ERMN: variants seen among roughly 807,000 people sequenced by gnomAD.
ERMN encodes ermin.
ERMN carries 17 observed loss-of-function variants against 21.4 expected under a neutral mutation model. The observed-to-expected ratio is 0.80, with a 90% confidence interval of 0.54 to 1.19. The LOEUF (loss-of-function observed/expected upper bound fraction) is 1.19, where lower values mean the gene tolerates loss of function less well. ERMN is among the 50% of genes most tolerant of loss of function. The pLI is 0.00. For missense variants in ERMN, 348 were observed against 331.6 expected (o/e 1.05, Z -0.38); for synonymous variants, 115 against 111.9 (o/e 1.03, Z -0.17).
At chr2:157,325,874 A>C, upstream of ERMN, 1 of 1,398,498 alleles carries the variant, frequency 7.2e-7, no homozygotes, top group Non-Finnish European at 9.3e-7. Flanking sequence ...CATGAGCAAG[A>C]ATCCAGCCAA....
At chr2:157,322,961 G>C (rs1238410789) in intron 2 of ERMN, among the ~76,000 whole-genome samples, 1 of 152,112 alleles carries the variant, frequency 6.6e-6, no homozygotes, top group Non-Finnish European at 1.5e-5. Context: ...ATTACTCCTT[G>C]AATTTAAATT....
At position 157,321,340 on chromosome 2, in the gene ERMN, G is replaced by A. The variant is rs1423343962; in HGVS notation, c.786C>T (p.Ser262=). Residue 262 remains serine (S), a synonymous_variant, in exon 3 of 3, where the codon TCC becomes TCT. Coordinates refer to ENST00000410096, the MANE Select transcript of ERMN (RefSeq NM_020711.3). ...TATTTCCCTTTCTGATTTTCCGATA[G>A]GATATTGTATTGTATCTGGAATAAG... is the stretch of plus-strand genomic sequence containing the variant. ...RNAYSRYNTI[S]YRKIRKGNTK... is the part of the protein sequence containing the mutation. 7.4e-6 allele frequency: 12 copies of A among 1,613,888 alleles called. No homozygotes were observed. The highest frequency in any genetic ancestry group is 1.0e-5 in the Non-Finnish European group (12 of 1,179,954).
Position 157,321,118 on chromosome 2 carries a change from G to A in ERMN, c.*153C>T. The A allele has an allele frequency of 1.7e-6, 2 of 1,157,254 alleles. No individual in the cohort carries two copies. The highest frequency in any genetic ancestry group is 2.4e-6 in the Non-Finnish European group (2 of 843,860). The allele number at this position is 1,157,254 out of a possible 1,614,324, so 71.7% of individuals were successfully genotyped here. ...GGTTATCAGACTGAATTTTTATCTA[G>A]GGTTATTTCCACATTATTCTACAGT... is the stretch of plus-strand genomic sequence containing the variant. On this transcript the variant is annotated 3_prime_UTR_variant, in exon 3 of 3. Coordinates refer to ENST00000410096, the MANE Select transcript of ERMN (RefSeq NM_020711.3).
intron 2 of ERMN, chr2:157,324,398 C>T: frequency 2.6e-6 from 1 of 381,912 alleles, no homozygotes; most frequent in Non-Finnish European, 4.8e-6. Flanking sequence ...AGGGTTGACT[C>T]AGTGGACTAA....
rs781256699 is a variant in ERMN at position 157,321,807 on chromosome 2, T to C, written c.335-16A>G. ...CACTGATGCCCTGTAGCAAAATCAA[T>C]TGGTAGATGAGATGTGTAGAGATTC... On this transcript the variant is annotated splice_polypyrimidine_tract_variant and intron_variant, in intron 2 of 2. Transcript: ENST00000410096. 10 of 1,587,794 alleles carry C rather than the reference T, an allele frequency of 6.3e-6. No homozygotes were observed. Among genetic ancestry groups the C allele is most frequent in the Middle Eastern group, 1.7e-4 (1 of 5,956 alleles).
chr2:157,324,264 C>A, intron 2 of ERMN: 1 of 184,530 alleles, frequency 5.4e-6, no homozygotes, highest in Non-Finnish European at 1.1e-5. Context: ...AAGAGTGACA[C>A]TCCGTCTCAA....
chr2:157,327,274 A>AT (rs1684090412), upstream of ERMN: 1 of 556,324 alleles, frequency 1.8e-6, no homozygotes, highest in Admixed American at 3.1e-5. Context: ...TCACTCTTGT[A>AT]TAATCCCCTC....
Position 157,321,142 on chromosome 2 carries a change from G to T in ERMN, c.*129C>A. On this transcript the variant is annotated 3_prime_UTR_variant, in exon 3 of 3. Transcript: ENST00000410096. Reference sequence around the variant, plus strand: ...AGGGTTATTTCCACATTATTCTACAGTGAAAAAGAGAGTCAACTTCCACCT... The same window carrying T: ...AGGGTTATTTCCACATTATTCTACATTGAAAAAGAGAGTCAACTTCCACCT... 1.5e-6 allele frequency: 2 copies of T among 1,346,738 alleles called. No homozygotes were observed. Among genetic ancestry groups the T allele is most frequent in the Non-Finnish European group, 2.0e-6 (2 of 999,818 alleles). 83.4% of individuals were successfully genotyped at this position (1,346,738 alleles called of 1,614,324 possible). A position where few individuals can be genotyped will look rare whatever the true frequency, so the allele number is the denominator to read the frequency against.
rs993187419 is a variant in ERMN at position 157,318,737 on chromosome 2, T to C, written c.*2534A>G. 2.6e-5 allele frequency: 4 copies of C among 152,138 alleles called. No homozygotes were observed. Among genetic ancestry groups the C allele is most frequent in the African/African-American group, 7.2e-5 (3 of 41,438 alleles). 9.4% of individuals were successfully genotyped at this position (152,138 alleles called of 1,614,324 possible). ...ATTCTGTGCCTTCAATGTAGCATTATATGAAAGGTAGATTTTATATTGGCA... is the reference window on the plus strand; with the variant it reads ...ATTCTGTGCCTTCAATGTAGCATTACATGAAAGGTAGATTTTATATTGGCA... On this transcript the variant is annotated 3_prime_UTR_variant, in exon 3 of 3. Transcript: ENST00000410096.
Position 157,321,454 on chromosome 2 carries a change from C to T in ERMN, c.672G>A (p.Glu224=). 4 of 1,614,100 alleles carry T rather than the reference C, an allele frequency of 2.5e-6. No homozygotes were observed. Among genetic ancestry groups the T allele is most frequent in the Non-Finnish European group, 8.5e-7 (1 of 1,179,994 alleles). The stretch of plus-strand genomic sequence containing the variant: ...AACTGGCACTGCTCAGTGGGGAGTC[C>T]TCACTTGCATCACCTTCCTCTTTAA... The part of the protein sequence containing the change: ...SQFKEEGDAS[E]DSPLSSASSQ... Residue 224 remains glutamate, a synonymous_variant, in exon 3 of 3, where the codon GAG becomes GAA. Transcript: ENST00000410096.
chr2:157,324,559 T>G, intron 2 of ERMN, 111 bp downstream of exon 2: 2 of 800,172 alleles, frequency 2.5e-6, no homozygotes, highest in Non-Finnish European at 4.2e-6. Context: ...AAATTTGAAG[T>G]CATTGCCTGG....
chr2:157,325,722 G>T lies in ERMN; in HGVS notation c.-80C>A. On this transcript the variant is annotated 5_prime_UTR_variant, in exon 1 of 3. Transcript: ENST00000410096. ...GATCCTTGATAAGATACCTGCTCTTGCCTTCAAGTCCTATAGTTCCAACTC... is the reference window on the plus strand; with the variant it reads ...GATCCTTGATAAGATACCTGCTCTTTCCTTCAAGTCCTATAGTTCCAACTC... The T allele has an allele frequency of 6.2e-7, 1 of 1,600,886 alleles. No homozygotes were observed.
chr2:157,325,850 G>T, upstream of ERMN: 1 of 1,416,988 alleles, frequency 7.1e-7, no homozygotes, highest in Non-Finnish European at 9.2e-7. Flanking sequence ...GGATTTGTCA[G>T]ATCTGCCAGG....
chr2:157,324,530 C>T (rs1684008597), intron 2 of ERMN, 140 bp downstream of exon 2: 6 of 667,324 alleles, frequency 9.0e-6, no homozygotes, highest in Non-Finnish European at 1.6e-5. Flanking sequence ...ACTCTCTTAT[C>T]TGCCTACAGC....
rs912744355 is a variant in ERMN, at chr2:157,319,960, T to C, written c.*1311A>G. ...AATGAAAAAGAAAGAAACAAAGGGT[T>C]GAATAGTACAATGAAGACTGTATTA... is the stretch of plus-strand genomic sequence containing the variant. On this transcript the variant is annotated 3_prime_UTR_variant, in exon 3 of 3. Transcript: ENST00000410096. The C allele has an allele frequency of 6.6e-6, 1 of 152,160 alleles. No homozygotes were observed. Among genetic ancestry groups the C allele is most frequent in the African/African-American group, 2.4e-5 (1 of 41,436 alleles). The allele number at this position is 152,160 out of a possible 1,614,324, so 9.4% of individuals were successfully genotyped here.
chr2:157,324,578 G>T, intron 2 of ERMN, 92 bp downstream of exon 2: 2 of 1,005,978 alleles, frequency 2.0e-6, no homozygotes, highest in Non-Finnish European at 3.1e-6. Flanking sequence ...GGATTGCTTT[G>T]TCAACCCCAC....
Position 157,325,770 on chromosome 2 carries a change from T to C in ERMN, c.-128A>G. 1 of 1,550,996 alleles carries C rather than the reference T, an allele frequency of 6.4e-7. No homozygotes were observed. Among genetic ancestry groups the C allele is most frequent in the Admixed American group, 1.8e-5 (1 of 54,868 alleles). On this transcript the variant is annotated 5_prime_UTR_variant, in exon 1 of 3. Transcript: ENST00000410096. ...CTCCTACTCTAAGAGCACAAATTAT[T>C]CACTTTAGTACATAATAACAAGGTT...
upstream of ERMN, chr2:157,325,948 TAAAC>T: frequency 3.2e-6 from 4 of 1,269,066 alleles, no homozygotes; most frequent in Non-Finnish European, 3.0e-6. Context: ...TTGATTTACA[TAAAC>T]AAACAATCTG....
In ERMN at chr2:157,321,590, T is replaced by C. The variant is rs965200038; in HGVS notation, c.536A>G (p.Gln179Arg). ...DMLHSKHDEE[Q>R]KVWDEEIDDD... ...ATCAATTTCTTCATCCCAAACCTTCTGCTCCTCATCATGTTTAGAATGTAA... is the reference window on the plus strand; with the variant it reads ...ATCAATTTCTTCATCCCAAACCTTCCGCTCCTCATCATGTTTAGAATGTAA... The change falls in exon 3 of 3, where the codon CAG becomes CGG. Residue 179 changes from glutamine to arginine, a missense_variant. Gln to Arg is a conservative substitution (Grantham distance 43). Coordinates refer to ENST00000410096, the MANE Select transcript of ERMN (RefSeq NM_020711.3). 24 of 1,614,012 alleles carry C rather than the reference T, an allele frequency of 1.5e-5. No homozygotes were observed. Among genetic ancestry groups the C allele is most frequent in the Non-Finnish European group, 1.9e-5 (23 of 1,180,000 alleles).
Sources: gnomAD v4.1 joint callset for allele counts (sites outside exome capture counted in the v4.1 genomes callset) on GRCh38, gnomAD v4.1.1 for gene constraint, MANE v1.5 for transcripts, NCBI Gene and HGNC (gene_info 2026-07-23, HGNC 2026-07-21) for gene names.